The following UMODL1 variants were observed in gnomAD, a reference collection of about 807,000 sequenced individuals.
UMODL1 encodes uromodulin like 1, also known as uromodulin-like 1.
A neutral mutation model predicts 136.3 loss-of-function variants in UMODL1; 128 were observed. That is an observed-to-expected ratio of 0.94 (90% CI 0.81 to 1.09). The LOEUF (loss-of-function observed/expected upper bound fraction) is 1.09, where lower values mean the gene tolerates loss of function less well. Ranked by LOEUF, UMODL1 falls within the 50% of genes least tolerant of loss-of-function variation. The probability of loss-of-function intolerance (pLI) is 0.00; values close to 1 mark genes in which losing one functional copy is unlikely to be tolerated. For missense variants in UMODL1, 1,766 were observed against 1,725.6 expected, an observed-to-expected ratio of 1.02 and a Z score of -0.41; for synonymous variants, 721 against 720.0, an observed-to-expected ratio of 1.00 and a Z score of -0.02.
At chr21:42,071,456 T>A in intron 1 of UMODL1, 64 bp downstream of exon 1, 1 of 1,451,234 alleles carries the variant, frequency 6.9e-7, no homozygotes, top group Middle Eastern at 1.9e-4. Flanking sequence ...ATGGGTCTCA[T>A]GAGGACAGCC....
intron 22 of UMODL1, among the ~76,000 whole-genome samples, chr21:42,138,196 G>A (rs1569183040): frequency 6.6e-6 from 1 of 152,138 alleles, no homozygotes. Flanking sequence ...TAACATTTCC[G>A]GCCACGTGGA....
At chr21:42,066,982 T>C (rs1488378397), upstream of UMODL1, among the ~76,000 whole-genome samples, 16 of 151,416 alleles carry the variant, frequency 1.1e-4, no homozygotes, top group South Asian at 1.5e-3. Context: ...TCTTTCTTTT[T>C]TTTTTTTTTT....
Position 42,085,494 on chromosome 21 carries a change from A to C in UMODL1, c.603+82A>C. 6.2e-7 allele frequency: 1 copy of C among 1,600,026 alleles called. No homozygotes were observed. The highest frequency in any genetic ancestry group is 2.2e-5 in the East Asian group (1 of 44,612). On this transcript the variant is annotated intron_variant, in intron 4 of 22. Coordinates refer to ENST00000408910, the MANE Select transcript of UMODL1 (RefSeq NM_001004416.3). The surrounding 1 kb of genome is among the most constrained non-coding windows in gnomAD (Gnocchi z 4.5). ...ACCCAGGTATGGGGCCGTGGAAGGG[A>C]CCTGGGGGTTGGGGAGGGTGATGTT...
intron 21 of UMODL1, among the ~76,000 whole-genome samples, chr21:42,133,346 G>A (rs1359362181): frequency 6.6e-6 from 1 of 152,196 alleles, no homozygotes; most frequent in East Asian, 1.9e-4. Flanking sequence ...GAGATTTTAG[G>A]GAATGTGCCT....
At chr21:42,092,717 A>G (rs220306) in intron 6 of UMODL1, among the ~76,000 whole-genome samples, 116,152 of 152,184 alleles carry the variant, frequency 0.76, 44,698 homozygotes, top group East Asian at 0.89. Flanking sequence ...ATTGAGGACC[A>G]TCCCTTTGTT....
rs1601206747 is a variant in UMODL1 at position 42,096,207 on chromosome 21, C to T, written c.932-2719C>T. On this transcript the variant is annotated intron_variant, in intron 6 of 22. Transcript: ENST00000408910. ...CAAGGTAACACACTGGAGAAAGGGC[C>T]ACACAGATATTGGATGGGAACATTG... Among the ~76,000 whole-genome samples, 4 of 152,104 alleles carry T rather than the reference C, an allele frequency of 2.6e-5. No individual in the cohort carries two copies. In the South Asian group the frequency reaches 8.3e-4, roughly 31 times the overall value.
At position 42,137,503 on chromosome 21, in the gene UMODL1, C is replaced by T. The variant is rs766801332; in HGVS notation, c.3840C>T (p.Ile1280=). ...ATGTGGTCCTTATTGTGGTGGCCAT[C>T]TTCGTGCTGGTGGCGGGAACAGCCA... ...AGYVVLIVVA[I]FVLVAGTATL... is the part of the protein sequence containing the mutation. The change falls in exon 22 of 23, where the codon ATC becomes ATT. Residue 1280 remains isoleucine, a synonymous_variant. Coordinates refer to ENST00000408910, the MANE Select transcript of UMODL1 (RefSeq NM_001004416.3). 44 of 1,614,128 alleles carry T rather than the reference C, an allele frequency of 2.7e-5. No individual in the cohort carries two copies. The highest frequency in any genetic ancestry group is 8.3e-5 in the Admixed American group (5 of 60,012).
At chr21:42,133,387 G>T (rs1227519677) in intron 21 of UMODL1, among the ~76,000 whole-genome samples, 1 of 152,232 alleles carries the variant, frequency 6.6e-6, no homozygotes, top group East Asian at 1.9e-4. Flanking sequence ...TGCACGAGCT[G>T]GGCCTGCGAG....
chr21:42,141,729 A>C lies in UMODL1; in HGVS notation c.*22-367A>C, dbSNP rs1486136969. 7.3e-5 allele frequency among the ~76,000 whole-genome samples: 11 copies of C among 151,708 alleles called. No individual in the cohort carries two copies. In the South Asian group the frequency reaches 2.3e-3, roughly 32 times the overall value. Reference sequence around the variant, plus strand: ...CAACCCACCCACCCCCACCAGGTCGACCCTTGGGCAGCCCCACTCAGAGAT... The same window carrying C: ...CAACCCACCCACCCCCACCAGGTCGCCCCTTGGGCAGCCCCACTCAGAGAT... On this transcript the variant is annotated intron_variant, in intron 22 of 22. Transcript: ENST00000408910.
In UMODL1 at chr21:42,085,160, C is replaced by T. The variant is rs372850611; in HGVS notation, c.482-131C>T. The T allele has an allele frequency of 4.4e-5, 52 of 1,169,842 alleles. 4 individuals are homozygous for T. The highest frequency in any genetic ancestry group is 1.7e-4 in the East Asian group (7 of 40,540). The allele number at this position is 1,169,842 out of a possible 1,614,324, so 72.5% of individuals were successfully genotyped here. ...GTCTCCTGTGGTAGATGTCTTTTTG[C>T]AGGGAGGTAAATGCAGAGCAGGGCC... On this transcript the variant is annotated intron_variant, in intron 3 of 22. Coordinates refer to ENST00000408910, the MANE Select transcript of UMODL1 (RefSeq NM_001004416.3). The surrounding 1 kb of genome is among the most constrained non-coding windows in gnomAD (Gnocchi z 4.5).
At chr21:42,126,286 G>C in intron 17 of UMODL1, 59 bp from the exon 18 acceptor site, 1 of 1,605,782 alleles carries the variant, frequency 6.2e-7, no homozygotes, top group Non-Finnish European at 8.5e-7. Context: ...GTGGCCCACA[G>C]CAGGGCGTGG....
intron 13 of UMODL1, among the ~76,000 whole-genome samples, chr21:42,114,961 A>G (rs1048966537): frequency 6.6e-5 from 10 of 152,234 alleles, no homozygotes; most frequent in African/African-American, 2.4e-4. Context: ...CATGCCAGCC[A>G]TGGAGACTGA....
At chr21:42,086,412 G>A (rs1321463243) in intron 4 of UMODL1, 4 of 403,184 alleles carry the variant, frequency 9.9e-6, no homozygotes, top group East Asian at 7.2e-5. Context: ...TGGCAGCCCA[G>A]ATCAGATGGT....
intron 2 of UMODL1, among the ~76,000 whole-genome samples, chr21:42,080,515 G>A (rs918367361): frequency 4.6e-5 from 7 of 152,164 alleles, no homozygotes; most frequent in African/African-American, 1.2e-4. Flanking sequence ...AAAAGGGAAC[G>A]GAAGCATGGA....
chr21:42,116,266 A>G (rs1481175934), intron 14 of UMODL1, among the ~76,000 whole-genome samples: 1 of 151,734 alleles, frequency 6.6e-6, no homozygotes, highest in Non-Finnish European at 1.5e-5. Context: ...AGGCAGGAGA[A>G]TCTCTTGAAC....
intron 6 of UMODL1, among the ~76,000 whole-genome samples, chr21:42,095,951 G>T (rs147508382): frequency 2.0e-5 from 3 of 152,248 alleles, no homozygotes; most frequent in African/African-American, 7.2e-5. Flanking sequence ...AGGGAGTACT[G>T]CAGGGGGCTC....
intron 1 of UMODL1, among the ~76,000 whole-genome samples, chr21:42,073,930 A>G (rs184840280): frequency 6.6e-6 from 1 of 152,292 alleles, no homozygotes; most frequent in Non-Finnish European, 1.5e-5. Flanking sequence ...AAATGCAAGC[A>G]CTGTATGTCA....
At position 42,077,713 on chromosome 21, in the gene UMODL1, A is replaced by G. The variant is rs558884933; in HGVS notation, c.319+1466A>G. Among the ~76,000 whole-genome samples the G allele has an allele frequency of 7.7e-4, 118 of 152,308 alleles. 1 individual carries two copies. The highest frequency in any genetic ancestry group is 1.2e-3 in the Non-Finnish European group (82 of 68,018). On this transcript the variant is annotated intron_variant, in intron 2 of 22. Transcript: ENST00000408910. ...TTAAGTCCTTGAGGAAGGGGCTGCC[A>G]GTGAAAGAGGCAAGATGGAGTCTGT...
intron 2 of UMODL1, among the ~76,000 whole-genome samples, 156 bp from the exon 3 acceptor site, chr21:42,083,928 G>GCC: frequency 6.6e-6 from 1 of 152,378 alleles, no homozygotes; most frequent in Admixed American, 6.5e-5. Flanking sequence ...CCCTCCAATG[G>GCC]GGTGGGTGTC....
Sources: allele counts gnomAD v4.1 joint callset (sites outside exome capture counted in the v4.1 genomes callset), GRCh38; gene constraint gnomAD v4.1.1; non-coding constraint Gnocchi (gnomAD v3.1); transcripts MANE v1.5; gene names NCBI Gene and HGNC (gene_info 2026-07-23, HGNC 2026-07-21).